DPP6: variants seen among roughly 807,000 people sequenced by gnomAD.
The protein encoded by DPP6 is A-type potassium channel modulatory protein DPP6.
A neutral mutation model predicts 122.6 loss-of-function variants in DPP6; 69 were observed. The observed-to-expected ratio is 0.56, with a 90% CI of 0.46 to 0.69. DPP6 has a LOEUF of 0.69. DPP6 is among the 30% of genes least tolerant of loss of function. The pLI is 0.00. For synonymous variants in DPP6, 418 were observed against 433.1 expected (o/e 0.97, Z 0.43); for missense variants, 928 against 1,116.9 (o/e 0.83, Z 2.41).
At chr7:154,247,235 C>T (rs1326026809) in intron 1 of DPP6, among the ~76,000 whole-genome samples, 1 of 152,078 alleles carries the variant, frequency 6.6e-6, no homozygotes, top group Non-Finnish European at 1.5e-5. Context: ...ATCCCTTAAA[C>T]CTGGGAGGTG....
intron 1 of DPP6, among the ~76,000 whole-genome samples, chr7:153,934,519 G>C (rs1409771441): frequency 1.3e-5 from 2 of 152,138 alleles, no homozygotes; most frequent in Non-Finnish European, 2.9e-5. Flanking sequence ...ACTTCTGGAA[G>C]CTCATTACCC....
Position 154,708,774 on chromosome 7 carries a change from G to A in DPP6, c.763-18993G>A, listed in dbSNP as rs569369298. 3.9e-5 allele frequency among the ~76,000 whole-genome samples: 6 copies of A among 152,334 alleles called. No homozygotes were observed. The South Asian group carries it at 1.2e-3, about 32-fold the overall frequency. ...TAATAACATGGAAAAGCATCCAGGT[G>A]TGGTGGCTCATGCCTGTAATCCCAG... On this transcript the variant is annotated intron_variant, in intron 7 of 25. Coordinates refer to ENST00000377770, the MANE Select transcript of DPP6 (RefSeq NM_130797.4).
the DPP6 span, among the ~76,000 whole-genome samples, chr7:153,753,917 T>C: frequency 1.3e-5 from 2 of 152,212 alleles, no homozygotes; most frequent in South Asian, 4.1e-4. Flanking sequence ...CATCGTATTC[T>C]ACCAATGAAT....
intron 1 of DPP6, among the ~76,000 whole-genome samples, chr7:154,258,351 C>T (rs1387621792): frequency 6.6e-6 from 1 of 152,128 alleles, no homozygotes; most frequent in African/African-American, 2.4e-5. Context: ...TTTATCATAC[C>T]TGTTTGAGAG....
intron 1 of DPP6, among the ~76,000 whole-genome samples, chr7:154,006,735 T>C (rs1289772830): frequency 3.3e-5 from 5 of 152,348 alleles, no homozygotes; most frequent in African/African-American, 9.6e-5. Context: ...TGCAATAAGC[T>C]AATGTACAGG....
At chr7:154,704,400 T>G (rs1395579184) in intron 7 of DPP6, among the ~76,000 whole-genome samples, 1 of 152,142 alleles carries the variant, frequency 6.6e-6, no homozygotes, top group East Asian at 1.9e-4. Context: ...ATAAACATAG[T>G]TGAGAAAGAA....
chr7:154,365,216 A>C (rs916298655), intron 1 of DPP6, among the ~76,000 whole-genome samples: 1 of 152,244 alleles, frequency 6.6e-6, no homozygotes, highest in Non-Finnish European at 1.5e-5. Flanking sequence ...GGCTTGCCCA[A>C]AGCAGATACT....
intron 1 of DPP6, among the ~76,000 whole-genome samples, chr7:154,178,524 A>G (rs1324610069): frequency 6.6e-6 from 1 of 152,052 alleles, no homozygotes; most frequent in Non-Finnish European, 1.5e-5. Flanking sequence ...CCTGAAAAAA[A>G]AAAAACAATT....
At chr7:154,189,936 G>T (rs1197535513) in intron 1 of DPP6, among the ~76,000 whole-genome samples, 6 of 152,154 alleles carry the variant, frequency 3.9e-5, no homozygotes, top group Non-Finnish European at 5.9e-5. Context: ...ACCACCCATG[G>T]CTTCTTCTTT....
At chr7:154,816,008 T>G (rs933313398) in intron 16 of DPP6, among the ~76,000 whole-genome samples, 1 of 152,206 alleles carries the variant, frequency 6.6e-6, no homozygotes, top group Non-Finnish European at 1.5e-5. Flanking sequence ...ATTGCCATCA[T>G]TATCAAAATC....
chr7:154,245,759 A>G (rs1445608644), intron 1 of DPP6, among the ~76,000 whole-genome samples: 2 of 152,204 alleles, frequency 1.3e-5, no homozygotes, highest in Non-Finnish European at 2.9e-5. Context: ...TATTAGAAAG[A>G]TATAAACATC....
At chr7:154,699,111 C>A (rs560865212) in intron 7 of DPP6, among the ~76,000 whole-genome samples, 1 of 152,270 alleles carries the variant, frequency 6.6e-6, no homozygotes, top group South Asian at 2.1e-4. Flanking sequence ...TTGATGACTT[C>A]ACTGAACCCT....
At chr7:154,720,161 A>T (rs1325157084) in intron 7 of DPP6, among the ~76,000 whole-genome samples, 1 of 152,220 alleles carries the variant, frequency 6.6e-6, no homozygotes, top group Non-Finnish European at 1.5e-5. Flanking sequence ...ATAGATGCCA[A>T]CGAAAACAGA....
intron 5 of DPP6, chr7:154,588,446 C>T (rs574090927): frequency 2.0e-4 from 39 of 199,560 alleles, no homozygotes; most frequent in Non-Finnish European, 3.5e-4. Flanking sequence ...TTTCCTGGCT[C>T]ATACAGTGAC....
chr7:154,391,481 C>T (rs1814612327), intron 1 of DPP6, among the ~76,000 whole-genome samples: 1 of 152,240 alleles, frequency 6.6e-6, no homozygotes, highest in African/African-American at 2.4e-5. Flanking sequence ...TCTTTCCAGA[C>T]CCAAATTCAG....
intron 5 of DPP6, among the ~76,000 whole-genome samples, chr7:154,567,612 G>C (rs1302921485): frequency 1.2e-4 from 18 of 152,180 alleles, no homozygotes; most frequent in Admixed American, 1.2e-3. Flanking sequence ...CAAGAGATAA[G>C]CAACTTTAGA....
At chr7:154,635,887 C>A (rs1184427863) in intron 5 of DPP6, among the ~76,000 whole-genome samples, 1 of 152,192 alleles carries the variant, frequency 6.6e-6, no homozygotes, top group South Asian at 2.1e-4. Context: ...TGAAAGACAG[C>A]AAGAAGGAAG....
intron 5 of DPP6, chr7:154,587,682 G>C: frequency 6.4e-7 from 1 of 1,550,406 alleles, no homozygotes; most frequent in Non-Finnish European, 8.7e-7. Flanking sequence ...AGTTGACATT[G>C]CCTCATTCAA....
chr7:154,536,886 T>C (rs554530237), intron 3 of DPP6, among the ~76,000 whole-genome samples: 2 of 152,296 alleles, frequency 1.3e-5, no homozygotes, highest in South Asian at 2.1e-4. Flanking sequence ...GATATAAACA[T>C]ACAAAATTAG....
Sources: gnomAD v4.1 joint callset for allele counts (sites outside exome capture counted in the v4.1 genomes callset) on GRCh38, gnomAD v4.1.1 for gene constraint, MANE v1.5 for transcripts, NCBI Gene and HGNC (gene_info 2026-07-23, HGNC 2026-07-21) for gene names.